ZC2HC1B: variants seen among roughly 807,000 people sequenced by gnomAD.
ZC2HC1B encodes the protein zinc finger C2HC-type containing 1B.
ZC2HC1B carries 36 observed loss-of-function variants against 31.0 expected under a neutral mutation model. The observed-to-expected ratio is 1.16, with a 90% CI of 0.89 to 1.54. The LOEUF (loss-of-function observed/expected upper bound fraction) is 1.54. ZC2HC1B is among the 40% of genes most tolerant of loss of function. ZC2HC1B has a pLI of 0.00. For missense variants in ZC2HC1B, 260 were observed against 268.6 expected, an observed-to-expected ratio of 0.97 and a Z score of 0.22; for synonymous variants, 73 against 88.0, an observed-to-expected ratio of 0.83 and a Z score of 0.95.
chr6:143,915,119 T>G lies in ZC2HC1B; in HGVS notation c.598+11967T>G, dbSNP rs1238884297. On this transcript the variant is annotated intron_variant, in intron 6 of 7. Transcript: ENST00000237275. The surrounding 1 kb of genome is among the most constrained non-coding windows in gnomAD (Gnocchi z 5.2). The stretch of plus-strand genomic sequence containing the variant: ...TGGCTGTGTCCTCACCCAAATTTCA[T>G]CTTGAATTCCCACGTGTTGTGGGAG... Among the ~76,000 whole-genome samples the G allele has an allele frequency of 1.3e-5, 2 of 152,212 alleles. No individual in the cohort carries two copies. Among genetic ancestry groups the G allele is most frequent in the African/African-American group, 4.8e-5 (2 of 41,464 alleles).
chr6:143,876,642 T>A lies in ZC2HC1B; in HGVS notation c.29-7662T>A, dbSNP rs1281791397. 1.3e-5 allele frequency among the ~76,000 whole-genome samples: 2 copies of A among 150,070 alleles called. 1 individual carries two copies. The highest frequency in any genetic ancestry group is 4.9e-5 in the African/African-American group (2 of 40,586). On this transcript the variant is annotated intron_variant, in intron 1 of 7. Transcript: ENST00000237275. The stretch of plus-strand genomic sequence containing the variant: ...AATATATATAAGGGGAATATATATA[T>A]AAAGGGAAATGTATTAAGTATTAAC...
chr6:143,928,253 A>G (rs929692705), intron 6 of ZC2HC1B, among the ~76,000 whole-genome samples: 2 of 152,180 alleles, frequency 1.3e-5, no homozygotes, highest in South Asian at 4.1e-4. Context: ...TAGTTTTCGC[A>G]TCATACATTT....
intron 4 of ZC2HC1B, among the ~76,000 whole-genome samples, chr6:143,891,130 C>CAA (rs537109022): frequency 1.4e-4 from 11 of 77,826 alleles, no homozygotes; most frequent in African/African-American, 2.4e-4. Context: ...GACTCCATCT[C>CAA]AAAAAAAAAA....
Position 143,921,046 on chromosome 6 carries a change from A to G in ZC2HC1B, c.599-16603A>G, listed in dbSNP as rs1308137948. 6.6e-6 allele frequency among the ~76,000 whole-genome samples: 1 copy of G among 152,114 alleles called. No homozygotes were observed. Among genetic ancestry groups the G allele is most frequent in the Non-Finnish European group, 1.5e-5 (1 of 68,022 alleles). On this transcript the variant is annotated intron_variant, in intron 6 of 7. Transcript: ENST00000237275. The surrounding 1 kb of genome is among the most constrained non-coding windows in gnomAD (Gnocchi z 6.1). ...TCTTCTTAATCCTGCTCCAGCTACA[A>G]GTGGCCCCAGGTTGTTCCTTGACCA... is the stretch of plus-strand genomic sequence containing the variant.
chr6:143,900,528 G>T (rs1777724930), intron 5 of ZC2HC1B, among the ~76,000 whole-genome samples: 1 of 152,104 alleles, frequency 6.6e-6, no homozygotes, highest in Non-Finnish European at 1.5e-5. Flanking sequence ...TTGAATAAAT[G>T]CCCTAAAATC....
chr6:143,880,103 C>T lies in ZC2HC1B; in HGVS notation c.29-4201C>T, dbSNP rs184223338. Among the ~76,000 whole-genome samples, 11 of 152,188 alleles carry T rather than the reference C, an allele frequency of 7.2e-5. No individual in the cohort carries two copies. The South Asian group carries it at 1.9e-3, about 26-fold the overall frequency. ...TAGCCTCCCAAATATGCTGGGATTA[C>T]AGTTGTGAGCCACCATTCCTGGCCT... On this transcript the variant is annotated intron_variant, in intron 1 of 7. Transcript: ENST00000237275.
In ZC2HC1B at chr6:143,872,553, A is replaced by G. The variant is rs1290284027; in HGVS notation, c.28+7986A>G. 6.6e-6 allele frequency among the ~76,000 whole-genome samples: 1 copy of G among 152,080 alleles called. No individual in the cohort carries two copies. Among genetic ancestry groups the G allele is most frequent in the Non-Finnish European group, 1.5e-5 (1 of 68,034 alleles). The stretch of plus-strand genomic sequence containing the variant: ...TATTTATTTTTTATTTTTTAAATTT[A>G]TGTATTAGTCTATTTTCATGCTGCT... On this transcript the variant is annotated intron_variant, in intron 1 of 7. Coordinates refer to ENST00000237275, the MANE Select transcript of ZC2HC1B (RefSeq NM_001013623.3). This position sits in a 1 kb window ranked among gnomAD's most constrained non-coding sequence, Gnocchi z 5.5.
rs188737754 is a variant in ZC2HC1B, at chr6:143,888,471, G to T, written c.349+1650G>T. ...TTTTAGGGATTGAACTGAATATATA[G>T]AATGTTTTGGGTACTATTGTCATCT... On this transcript the variant is annotated intron_variant, in intron 4 of 7. Transcript: ENST00000237275. 1.8e-4 allele frequency among the ~76,000 whole-genome samples: 27 copies of T among 152,004 alleles called. 1 individual carries two copies. Among genetic ancestry groups the T allele is most frequent in the Admixed American group, 1.7e-3 (26 of 15,280 alleles).
Position 143,868,300 on chromosome 6 carries a change from C to A in ZC2HC1B, c.28+3733C>A, listed in dbSNP as rs1244089035. 6.6e-6 allele frequency among the ~76,000 whole-genome samples: 1 copy of A among 152,238 alleles called. No homozygotes were observed. The highest frequency in any genetic ancestry group is 1.9e-4 in the East Asian group (1 of 5,180). ...TAAAGGGGAATTTATTAAGTATTAA[C>A]TCACAATCACAAGGTCCCACAATAG... On this transcript the variant is annotated intron_variant, in intron 1 of 7. Coordinates refer to ENST00000237275, the MANE Select transcript of ZC2HC1B (RefSeq NM_001013623.3). The surrounding 1 kb of genome is among the most constrained non-coding windows in gnomAD (Gnocchi z 4.2).
intron 1 of ZC2HC1B, among the ~76,000 whole-genome samples, chr6:143,882,575 TC>T (rs1429665873): frequency 9.2e-5 from 14 of 151,810 alleles, no homozygotes; most frequent in Non-Finnish European, 1.9e-4. Context: ...TCCTTCAATT[TC>T]CATGACCCTG....
Position 143,872,732 on chromosome 6 carries a change from T to C in ZC2HC1B, c.28+8165T>C, listed in dbSNP as rs576119406. Among the ~76,000 whole-genome samples the C allele has an allele frequency of 2.2e-3, 336 of 152,130 alleles. No individual in the cohort carries two copies. Among genetic ancestry groups the C allele is most frequent in the Non-Finnish European group, 3.8e-3 (256 of 67,972 alleles). ...AATGAGGAAAAAGCAAAAGTGGAAA[T>C]CCCTCATAAATCCATCAGATCTCAT... On this transcript the variant is annotated intron_variant, in intron 1 of 7. Coordinates refer to ENST00000237275, the MANE Select transcript of ZC2HC1B (RefSeq NM_001013623.3). This position sits in a 1 kb window ranked among gnomAD's most constrained non-coding sequence, Gnocchi z 5.5.
intron 6 of ZC2HC1B, 130 bp from the exon 7 acceptor site, chr6:143,937,519 C>A: frequency 1.3e-4 from 64 of 474,252 alleles, no homozygotes; most frequent in Middle Eastern, 6.1e-4. Flanking sequence ...CCACCACACT[C>A]CCCCACCTCC....
At chr6:143,879,681 A>G (rs1337822790) in intron 1 of ZC2HC1B, among the ~76,000 whole-genome samples, 2 of 152,180 alleles carry the variant, frequency 1.3e-5, no homozygotes, top group Non-Finnish European at 2.9e-5. Context: ...AAGCATTCTT[A>G]ACTTCCAGCT....
intron 1 of ZC2HC1B, among the ~76,000 whole-genome samples, chr6:143,877,784 G>A (rs1434461347): frequency 6.6e-6 from 1 of 150,388 alleles, no homozygotes; most frequent in African/African-American, 2.5e-5. Context: ...GGTGGTCTGA[G>A]TGAGCTGTTT....
intron 6 of ZC2HC1B, among the ~76,000 whole-genome samples, chr6:143,920,892 G>A (rs772996915): frequency 1.2e-3 from 168 of 140,812 alleles, no homozygotes; most frequent in East Asian, 3.4e-3. Context: ...ACAACACAGC[G>A]AGAGACTCCG....
Position 143,908,961 on chromosome 6 carries a change from A to G in ZC2HC1B, c.598+5809A>G, listed in dbSNP as rs1470602307. On this transcript the variant is annotated intron_variant, in intron 6 of 7. Coordinates refer to ENST00000237275, the MANE Select transcript of ZC2HC1B (RefSeq NM_001013623.3). The surrounding 1 kb of genome is among the most constrained non-coding windows in gnomAD (Gnocchi z 4.4). ...TTTGAAGTGTGTTCCTTTAATACCTAGTTTATTGAGCGTTTTTAACATAAA... is the reference window on the plus strand; with the variant it reads ...TTTGAAGTGTGTTCCTTTAATACCTGGTTTATTGAGCGTTTTTAACATAAA... Among the ~76,000 whole-genome samples the G allele has an allele frequency of 6.6e-6, 1 of 152,152 alleles. No homozygotes were observed. The highest frequency in any genetic ancestry group is 1.5e-5 in the Non-Finnish European group (1 of 68,036).
chr6:143,886,370 A>G lies in ZC2HC1B; in HGVS notation c.210+219A>G, dbSNP rs1289230009. Among the ~76,000 whole-genome samples, 1 of 152,172 alleles carries G rather than the reference A, an allele frequency of 6.6e-6. No individual in the cohort carries two copies. The highest frequency in any genetic ancestry group is 1.5e-5 in the Non-Finnish European group (1 of 68,030). ...AAAAAATAATCTTGTTTATGTTTTCATTAGAGTGGCTTTAAATCTAGCAAT... is the reference window on the plus strand; with the variant it reads ...AAAAAATAATCTTGTTTATGTTTTCGTTAGAGTGGCTTTAAATCTAGCAAT... On this transcript the variant is annotated intron_variant, in intron 3 of 7. Coordinates refer to ENST00000237275, the MANE Select transcript of ZC2HC1B (RefSeq NM_001013623.3). This position sits in a 1 kb window ranked among gnomAD's most constrained non-coding sequence, Gnocchi z 4.2.
Position 143,886,063 on chromosome 6 carries a change from T to C in ZC2HC1B, c.122T>C (p.Phe41Ser), listed in dbSNP as rs1335774947. Residue 41 changes from phenylalanine (F) to serine (S), a missense_variant, in exon 3 of 8, where the codon TTC (phenylalanine) becomes TCC (serine). Coordinates refer to ENST00000237275, the MANE Select transcript of ZC2HC1B (RefSeq NM_001013623.3). This position sits in a 1 kb window ranked among gnomAD's most constrained non-coding sequence, Gnocchi z 4.2. Reference sequence around the variant, plus strand: ...CATGGACCAATATGTAAGAAACTCTTCAACAGAAAGCGTAAACCTTTCAGT... The same window carrying C: ...CATGGACCAATATGTAAGAAACTCTCCAACAGAAAGCGTAAACCTTTCAGT... The part of the protein sequence containing the change: ...ERHGPICKKL[F>S]NRKRKPFSSL... 6.5e-7 allele frequency: 1 copy of C among 1,546,272 alleles called. No homozygotes were observed. The highest frequency in any genetic ancestry group is 8.7e-7 in the Non-Finnish European group (1 of 1,145,420).
At chr6:143,929,363 C>G (rs1778090459) in intron 6 of ZC2HC1B, among the ~76,000 whole-genome samples, 1 of 152,120 alleles carries the variant, frequency 6.6e-6, no homozygotes, top group South Asian at 2.1e-4. Context: ...TTTTCATTCA[C>G]TTGATGTGAT....
Sources: allele counts gnomAD v4.1 joint callset (sites outside exome capture counted in the v4.1 genomes callset), GRCh38; gene constraint gnomAD v4.1.1; non-coding constraint Gnocchi (gnomAD v3.1); transcripts MANE v1.5; gene names NCBI Gene and HGNC (gene_info 2026-07-23, HGNC 2026-07-21).